Variants in ENPEP observed in about 807,000 individuals in gnomAD.
ENPEP encodes the protein AP-A.
A neutral mutation model predicts 114.5 loss-of-function variants in ENPEP; 103 were observed. The observed-to-expected ratio is 0.90, with a 90% CI of 0.77 to 1.06. ENPEP has a LOEUF of 1.06. Ranked by LOEUF, ENPEP falls within the 50% of genes least tolerant of loss-of-function variation. The pLI is 0.00. For synonymous variants in ENPEP, 420 were observed against 422.0 expected (o/e 1.00, Z 0.06); for missense variants, 1,196 against 1,161.3 (o/e 1.03, Z -0.43).
chr4:110,559,588 G>C, intron 18 of ENPEP, 59 bp from the exon 19 acceptor site: 1 of 1,204,452 alleles, frequency 8.3e-7, no homozygotes. Context: ...TCTGCATTTA[G>C]AGAAAATATG....
At chr4:110,521,415 T>C (rs1725984915) in intron 10 of ENPEP, among the ~76,000 whole-genome samples, 1 of 151,286 alleles carries the variant, frequency 6.6e-6, no homozygotes, top group South Asian at 2.1e-4. Flanking sequence ...AATAATTATA[T>C]ATATACACAT....
intron 14 of ENPEP, 78 bp from the exon 15 acceptor site, chr4:110,549,265 AGGG>A: frequency 9.0e-7 from 1 of 1,107,332 alleles, no homozygotes; most frequent in Non-Finnish European, 1.4e-6. Flanking sequence ...AGATTATAAC[AGGG>A]GCTGCTGAGT....
intron 1 of ENPEP, among the ~76,000 whole-genome samples, chr4:110,479,794 C>G (rs1560549172): frequency 6.6e-6 from 1 of 151,814 alleles, no homozygotes; most frequent in East Asian, 1.9e-4. Flanking sequence ...ATCATAAAGA[C>G]AAGAGAAATT....
At chr4:110,543,657 T>A (rs941263907) in intron 13 of ENPEP, among the ~76,000 whole-genome samples, 16 of 152,012 alleles carry the variant, frequency 1.1e-4, no homozygotes, top group African/African-American at 3.6e-4. Flanking sequence ...ATTTTTTTTT[T>A]AATTCACATA....
chr4:110,531,294 G>A lies in ENPEP; in HGVS notation c.1807+17G>A. ...AAAAAGAAGGTAAATATTATTAATTGATTTATTTCTTCTTTGAATTGATGT... is the reference window on the plus strand; with the variant it reads ...AAAAAGAAGGTAAATATTATTAATTAATTTATTTCTTCTTTGAATTGATGT... On this transcript the variant is annotated intron_variant, in intron 11 of 19. Transcript: ENST00000265162. The A allele has an allele frequency of 7.2e-7, 1 of 1,388,176 alleles. No individual in the cohort carries two copies. The allele number at this position is 1,388,176 out of a possible 1,614,324, so 86.0% of individuals were successfully genotyped here.
intron 11 of ENPEP, among the ~76,000 whole-genome samples, chr4:110,542,258 C>T (rs1276665248): frequency 1.3e-5 from 2 of 152,070 alleles, no homozygotes; most frequent in Non-Finnish European, 2.9e-5. Context: ...TAGTGATAGC[C>T]ATTTCCATCA....
Position 110,520,339 on chromosome 4 carries a change from A to ACCCTT in ENPEP, c.1702_1706dup (p.Gln570LeufsTer23). 1.9e-6 allele frequency: 3 copies of ACCCTT among 1,614,026 alleles called. No homozygotes were observed. Among genetic ancestry groups the ACCCTT allele is most frequent in the Non-Finnish European group, 2.5e-6 (3 of 1,179,956 alleles). The stretch of plus-strand genomic sequence containing the variant: ...CGCTTTTTGTTGGACCCAAGAGCTA[A>ACCCTT]CCCTTCTCAGCCCCCTTCAGATCTT... On this transcript the variant is annotated frameshift_variant, in exon 10 of 20. Transcript: ENST00000265162. LOFTEE classifies it high-confidence loss of function.
At position 110,476,190 on chromosome 4, in the gene ENPEP, G is replaced by C. The variant is rs1724089090; in HGVS notation, c.-225G>C. ...TTCCTCCCACTCGGCTCCTCTTACG[G>C]AGTCCTCATTCCACCCCCCTTGTTT... On this transcript the variant is annotated 5_prime_UTR_variant, in exon 1 of 20. Coordinates refer to ENST00000265162, the MANE Select transcript of ENPEP (RefSeq NM_001977.4). 3 of 505,100 alleles carry C rather than the reference G, an allele frequency of 5.9e-6. No individual in the cohort carries two copies. The South Asian group carries it at 1.2e-4, about 20-fold the overall frequency. The allele number at this position is 505,100 out of a possible 1,614,324, so 31.3% of individuals were successfully genotyped here.
intron 19 of ENPEP, among the ~76,000 whole-genome samples, chr4:110,560,689 T>C (rs950923424): frequency 6.6e-6 from 1 of 152,184 alleles, no homozygotes; most frequent in Non-Finnish European, 1.5e-5. Context: ...TGGTCAAGAT[T>C]TGATTCCATT....
Position 110,549,701 on chromosome 4 carries a change from T to C in ENPEP, c.2331-15T>C, listed in dbSNP as rs1383332529. ...AGAGTAGTTGAAATCTCTGAAACAC[T>C]GTTTCTTCTTCTAGCCTTCCCGTAA... On this transcript the variant is annotated splice_polypyrimidine_tract_variant and intron_variant, in intron 16 of 19. Transcript: ENST00000265162. 11 of 1,612,696 alleles carry C rather than the reference T, an allele frequency of 6.8e-6. No homozygotes were observed. The highest frequency in any genetic ancestry group is 9.3e-6 in the Non-Finnish European group (11 of 1,179,310).
At chr4:110,503,912 G>A (rs1725257928) in intron 3 of ENPEP, among the ~76,000 whole-genome samples, 1 of 152,188 alleles carries the variant, frequency 6.6e-6, no homozygotes, top group African/African-American at 2.4e-5. Flanking sequence ...CCAGTAGTTA[G>A]GCTCTTGCTC....
chr4:110,514,922 A>T (rs114229790), intron 7 of ENPEP, among the ~76,000 whole-genome samples: 1,993 of 152,226 alleles, frequency 0.013, 35 homozygotes, highest in African/African-American at 0.046. Context: ...ATTTGACCAG[A>T]TAATTCCTTG....
intron 10 of ENPEP, 71 bp downstream of exon 10, chr4:110,520,437 A>T (rs1725946627): frequency 6.8e-7 from 1 of 1,473,358 alleles, no homozygotes. Flanking sequence ...TTTATATCCT[A>T]TTGTTGAGTA....
chr4:110,501,983 T>C (rs115788841), intron 3 of ENPEP, among the ~76,000 whole-genome samples: 1,939 of 152,316 alleles, frequency 0.013, 43 homozygotes, highest in African/African-American at 0.044. Flanking sequence ...CCATTCTGAC[T>C]GGGTGAGATA....
chr4:110,553,988 C>CTTTTAAAATGGGA (rs1727384429), intron 18 of ENPEP, among the ~76,000 whole-genome samples: 1 of 151,920 alleles, frequency 6.6e-6, no homozygotes, highest in Non-Finnish European at 1.5e-5. Context: ...ATAGCAAGGA[C>CTTTTAAAATGGGA]AAGAGCAAAA....
At position 110,561,454 on chromosome 4, in the gene ENPEP, C is replaced by A. The variant is rs1200171789; in HGVS notation, c.2770C>A (p.Pro924Thr). 13 of 1,613,798 alleles carry A rather than the reference C, an allele frequency of 8.1e-6. No homozygotes were observed. Among genetic ancestry groups the A allele is most frequent in the Non-Finnish European group, 1.0e-5 (12 of 1,179,946 alleles). The change falls in exon 20 of 20, where the codon CCT becomes ACT. Residue 924 changes from proline (P) to threonine (T), a missense_variant. By Grantham distance (38) the Pro-to-Thr change is conservative. Transcript: ENST00000265162. ...KYPQAGAGEK[P>T]REQVLETVKN... ...TCCACAAGCTGGAGCAGGAGAAAAA[C>A]CTAGGGAACAAGTGCTGGAAACAGT...
chr4:110,561,329 T>G (rs1352083232), intron 19 of ENPEP, 77 bp from the exon 20 acceptor site: 1 of 1,499,136 alleles, frequency 6.7e-7, no homozygotes, highest in Non-Finnish European at 9.2e-7. Context: ...AGAAAGCAAA[T>G]CCAGTTTGTG....
chr4:110,499,421 G>A (rs939213), intron 3 of ENPEP, among the ~76,000 whole-genome samples: 134,746 of 152,224 alleles, frequency 0.89, 59,796 homozygotes, highest in African/African-American at 0.94. Flanking sequence ...CTCTAGCGTC[G>A]GTCCTGTCTT....
intron 2 of ENPEP, among the ~76,000 whole-genome samples, chr4:110,490,482 G>A (rs1440796298): frequency 6.6e-6 from 1 of 152,164 alleles, no homozygotes; most frequent in East Asian, 1.9e-4. Context: ...GAGCTGGCAT[G>A]GACAGAACAA....
Sources: allele counts gnomAD v4.1 joint callset (sites outside exome capture counted in the v4.1 genomes callset), GRCh38; gene constraint gnomAD v4.1.1; transcripts MANE v1.5; gene names NCBI Gene and HGNC (gene_info 2026-07-23, HGNC 2026-07-21).